TMEM259: variants seen among roughly 807,000 people sequenced by gnomAD.
The protein encoded by TMEM259 is membralin.
In TMEM259, 26 loss-of-function variants were observed where a neutral mutation model predicts 46.7. That is an observed-to-expected ratio of 0.56 (90% CI 0.41 to 0.77). TMEM259 has a LOEUF of 0.77. TMEM259 is among the 30% of genes least tolerant of loss of function. The probability of loss-of-function intolerance (pLI) is 0.00; values close to 1 mark genes in which losing one functional copy is unlikely to be tolerated. For missense variants in TMEM259, 930 were observed against 900.5 expected, an observed-to-expected ratio of 1.03 and a Z score of -0.42; for synonymous variants, 494 against 395.1, an observed-to-expected ratio of 1.25 and a Z score of -2.97.
At chr19:1,016,170 G>A (rs1417985445) in intron 1 of TMEM259, among the ~76,000 whole-genome samples, 1 of 150,912 alleles carries the variant, frequency 6.6e-6, no homozygotes, top group Non-Finnish European at 1.5e-5. Context: ...TTCAGGCCCC[G>A]CCCACAGACG....
Position 1,012,088 on chromosome 19 carries a change from C to T in TMEM259, c.819G>A (p.Leu273=), listed in dbSNP as rs546409591. 1.3e-5 allele frequency: 21 copies of T among 1,612,044 alleles called. No homozygotes were observed. In the African/African-American group the frequency reaches 2.4e-4, roughly 18 times the overall value. ...CACCCTTGTTCTCCTCGTTCTCGGC[C>T]AGGCCCTTCACGCTGGACATGAGGA... The part of the protein sequence containing the change: ...DDILMSSVKG[L]AENEENKGFL... The change falls in exon 5 of 11, where the codon CTG becomes CTA. Residue 273 remains leucine (L), a synonymous_variant. Transcript: ENST00000356663.
chr19:1,015,786 G>A (rs925300955), intron 1 of TMEM259, among the ~76,000 whole-genome samples: 6 of 152,168 alleles, frequency 3.9e-5, no homozygotes, highest in Non-Finnish European at 4.4e-5. Context: ...ACCTGTGGCC[G>A]CACAGCCATA....
intron 1 of TMEM259, among the ~76,000 whole-genome samples, chr19:1,017,871 C>T (rs2145608402): frequency 6.6e-6 from 1 of 152,310 alleles, no homozygotes. Context: ...CCCCTTTGTC[C>T]ACCCGGGGTG....
chr19:1,011,542 T>TGCAGC (rs1286852874), intron 8 of TMEM259, 38 bp downstream of exon 8: 1 of 1,149,000 alleles, frequency 8.7e-7, no homozygotes. Context: ...CGGGGCGGGG[T>TGCAGC]GCAGCGCGGG....
chr19:1,018,910 C>CCCAGGA (rs2039195904), intron 1 of TMEM259, among the ~76,000 whole-genome samples: 1 of 151,690 alleles, frequency 6.6e-6, no homozygotes, highest in Admixed American at 6.6e-5. Flanking sequence ...ATTGCTTGAA[C>CCCAGGA]CCAGGAGGTG....
intron 1 of TMEM259, among the ~76,000 whole-genome samples, chr19:1,018,008 C>A (rs1165957720): frequency 6.6e-6 from 1 of 152,148 alleles, no homozygotes; most frequent in Non-Finnish European, 1.5e-5. Context: ...ATCGTCACGA[C>A]CCCACAAGAG....
At chr19:1,012,024 C>A (rs745540430) in intron 5 of TMEM259, 32 bp from the exon 6 acceptor site, 2 of 1,611,748 alleles carry the variant, frequency 1.2e-6, no homozygotes, top group South Asian at 2.2e-5. Context: ...GCGCCCGCCC[C>A]CACCCGCGCC....
chr19:1,010,985 C>G, intron 10 of TMEM259, 90 bp from the exon 11 acceptor site: 1 of 1,546,936 alleles, frequency 6.5e-7, no homozygotes, highest in Non-Finnish European at 8.7e-7. Context: ...GGACCATCCA[C>G]GCTACCTCTG....
intron 3 of TMEM259, 137 bp from the exon 4 acceptor site, chr19:1,012,710 CCT>C: frequency 8.6e-7 from 1 of 1,165,530 alleles, no homozygotes; most frequent in Non-Finnish European, 1.2e-6. Flanking sequence ...TGGGAGGACC[CCT>C]ACATGGACAC....
chr19:1,019,910 T>A (rs1340510925), intron 1 of TMEM259, among the ~76,000 whole-genome samples: 1 of 152,154 alleles, frequency 6.6e-6, no homozygotes, highest in African/African-American at 2.4e-5. Context: ...GCCCCTCTTG[T>A]CACCCAAGCA....
chr19:1,011,512 G>GC lies in TMEM259; in HGVS notation c.1085-14dup. 2 of 1,546,708 alleles carry GC rather than the reference G, an allele frequency of 1.3e-6. No individual in the cohort carries two copies. Among genetic ancestry groups the GC allele is most frequent in the Non-Finnish European group, 1.7e-6 (2 of 1,146,364 alleles). On this transcript the variant is annotated splice_polypyrimidine_tract_variant and intron_variant, in intron 8 of 10. Coordinates refer to ENST00000356663, the MANE Select transcript of TMEM259 (RefSeq NM_001033026.2). The stretch of plus-strand genomic sequence containing the variant: ...ATGGCCTCCATCCCTGCAGGGAGAG[G>GC]CGGCGCCGGTTGAAGCGGGCGGGGC...
In TMEM259 at chr19:1,010,449, G is replaced by T; in HGVS notation, c.1764C>A (p.Asp588Glu). The change falls in exon 11 of 11, where the codon GAC becomes GAA. Residue 588 changes from aspartate (D) to glutamate (E), a missense_variant. Transcript: ENST00000356663. ...HAPQDSVPPS[D>E]SAASDTTPLG... ...GGGGAGTTGTGTCAGAAGCTGCGGA[G>T]TCACTCGGGGGGACACTGTCCTGGG... The T allele has an allele frequency of 6.5e-7, 1 of 1,533,078 alleles. No individual in the cohort carries two copies. The highest frequency in any genetic ancestry group is 2.4e-5 in the East Asian group (1 of 40,880). 95.0% of individuals were successfully genotyped at this position (1,533,078 alleles called of 1,614,324 possible).
chr19:1,011,450 GA>G lies in TMEM259; in HGVS notation c.1133del (p.Phe378SerfsTer65). 6.4e-7 allele frequency: 1 copy of G among 1,563,348 alleles called. No homozygotes were observed. Among genetic ancestry groups the G allele is most frequent in the Non-Finnish European group, 8.7e-7 (1 of 1,154,288 alleles). ...SEFFNDTTTA[F>X]YIILIVWLAD... ...CGAGCCACACGATGAGGATGATGTA[GA>G]AGGCGGTGGTGGTGTCGTTGAAGAA... On this transcript the variant is annotated frameshift_variant, in exon 9 of 11. Coordinates refer to ENST00000356663, the MANE Select transcript of TMEM259 (RefSeq NM_001033026.2). LOFTEE classifies it high-confidence loss of function.
At chr19:1,017,717 C>G (rs1041778688) in intron 1 of TMEM259, among the ~76,000 whole-genome samples, 1 of 152,192 alleles carries the variant, frequency 6.6e-6, no homozygotes, top group Admixed American at 6.5e-5. Context: ...CCCCACAGAC[C>G]TGGAGTGCCA....
chr19:1,014,531 A>T, intron 1 of TMEM259, 58 bp from the exon 2 acceptor site: 1 of 1,552,282 alleles, frequency 6.4e-7, no homozygotes, highest in Non-Finnish European at 8.7e-7. Flanking sequence ...CCGACACCCA[A>T]GGGCCTACGT....
At chr19:1,017,300 C>T (rs2039142378) in intron 1 of TMEM259, 1 of 399,920 alleles carries the variant, frequency 2.5e-6, no homozygotes, top group African/African-American at 2.1e-5. Flanking sequence ...CCCATGGGCC[C>T]CTGGCCACCC....
intron 3 of TMEM259, 118 bp downstream of exon 3, chr19:1,013,123 A>G (rs2038993375): frequency 1.1e-6 from 1 of 905,708 alleles, no homozygotes; most frequent in Admixed American, 2.1e-5. Flanking sequence ...GGGTGCCCTC[A>G]ACGGTCCAGG....
At position 1,020,679 on chromosome 19, in the gene TMEM259, C is replaced by G; in HGVS notation, c.225+93G>C. On this transcript the variant is annotated intron_variant, in intron 1 of 10. Coordinates refer to ENST00000356663, the MANE Select transcript of TMEM259 (RefSeq NM_001033026.2). This position sits in a 1 kb window ranked among gnomAD's most constrained non-coding sequence, Gnocchi z 4.0. ...AGGGTGCAGGGTGGCGCTCGCTGTC[C>G]CCAGCGGGGCCAGGGGTCGCGGTCG... 1.0e-6 allele frequency: 1 copy of G among 975,038 alleles called. No homozygotes were observed. Among genetic ancestry groups the G allele is most frequent in the Non-Finnish European group, 1.3e-6 (1 of 742,502 alleles). The allele number at this position is 975,038 out of a possible 1,614,324, so 60.4% of individuals were successfully genotyped here.
At position 1,020,890 on chromosome 19, in the gene TMEM259, G is replaced by A. The variant is rs774455435; in HGVS notation, c.107C>T (p.Pro36Leu). The A allele has an allele frequency of 6.1e-6, 8 of 1,317,706 alleles. No homozygotes were observed. The highest frequency in any genetic ancestry group is 7.8e-6 in the Non-Finnish European group (8 of 1,030,072). 81.6% of individuals were successfully genotyped at this position (1,317,706 alleles called of 1,614,324 possible). The change falls in exon 1 of 11, where the codon CCC becomes CTC. Residue 36 changes from proline (P) to leucine (L), a missense_variant. Transcript: ENST00000356663. This position sits in a 1 kb window ranked among gnomAD's most constrained non-coding sequence, Gnocchi z 4.0. ...GAGCCGGTCGCGCACGTTGATGAGGGGGTTGGGGTTGAGATTGGGGGTGCG... is the reference window on the plus strand; with the variant it reads ...GAGCCGGTCGCGCACGTTGATGAGGAGGTTGGGGTTGAGATTGGGGGTGCG... ...GPRTPNLNPN[P>L]LINVRDRLFH... is the part of the protein sequence containing the mutation.
Sources: gnomAD v4.1 joint callset for allele counts (sites outside exome capture counted in the v4.1 genomes callset) on GRCh38, gnomAD v4.1.1 for gene constraint, Gnocchi (gnomAD v3.1) non-coding constraint, MANE v1.5 for transcripts, NCBI Gene and HGNC (gene_info 2026-07-23, HGNC 2026-07-21) for gene names.